Variants in STK35 observed in about 807,000 individuals in gnomAD.
The protein encoded by STK35 is serine/threonine kinase 35.
A neutral mutation model predicts 37.3 loss-of-function variants in STK35; 17 were observed. The ratio of observed to expected loss-of-function variants is 0.46; its 90% CI spans 0.31 to 0.68. STK35 has a LOEUF of 0.68. STK35 is among the 30% of genes least tolerant of loss of function. The pLI, the probability that STK35 is intolerant of heterozygous loss-of-function variation, is 0.05. For synonymous variants in STK35, 385 were observed against 319.1 expected, an observed-to-expected ratio of 1.21 and a Z score of -2.20; for missense variants, 595 against 746.7, an observed-to-expected ratio of 0.80 and a Z score of 2.37.
chr20:2,138,085 A>G (rs530831059), intron 3 of STK35, among the ~76,000 whole-genome samples: 11 of 152,336 alleles, frequency 7.2e-5, no homozygotes, highest in South Asian at 6.2e-4. Context: ...CACGGCAGCT[A>G]GCATGTCATA....
At chr20:2,104,524 T>C (rs1985477157) in intron 2 of STK35, among the ~76,000 whole-genome samples, 1 of 152,200 alleles carries the variant, frequency 6.6e-6, no homozygotes, top group Admixed American at 6.5e-5. Flanking sequence ...GGATCCCAGA[T>C]CTGTCTTGAT....
intron 3 of STK35, among the ~76,000 whole-genome samples, chr20:2,131,744 T>C (rs35354551): frequency 0.21 from 31,596 of 151,850 alleles, 3,424 homozygotes; most frequent in Admixed American, 0.28. Context: ...TAAGACAGGG[T>C]CGCGCTCTGT....
At chr20:2,115,566 G>A (rs952332607) in intron 2 of STK35, among the ~76,000 whole-genome samples, 1 of 152,062 alleles carries the variant, frequency 6.6e-6, no homozygotes, top group Non-Finnish European at 1.5e-5. Context: ...AGCAGTTGTA[G>A]TCATCACATA....
chr20:2,115,696 T>G (rs1985702178), intron 2 of STK35, among the ~76,000 whole-genome samples: 1 of 152,202 alleles, frequency 6.6e-6, no homozygotes, highest in Non-Finnish European at 1.5e-5. Flanking sequence ...AAATCTGTCT[T>G]GTACATCGAC....
At chr20:2,104,522 G>C (rs1257451349) in intron 2 of STK35, among the ~76,000 whole-genome samples, 1 of 152,174 alleles carries the variant, frequency 6.6e-6, no homozygotes. Flanking sequence ...GGGGATCCCA[G>C]ATCTGTCTTG....
rs771732813 is a variant in STK35, at chr20:2,117,062, A to G, written c.1289A>G (p.His430Arg). 1.2e-6 allele frequency: 2 copies of G among 1,614,180 alleles called. No individual in the cohort carries two copies. The highest frequency in any genetic ancestry group is 1.7e-6 in the Non-Finnish European group (2 of 1,180,018). ...ATGGCTCCTGAAGTCTGGGAGGGAC[A>G]CTACACAGCCAAGGCGGACATCTTT... The part of the protein sequence containing the change: ...FYMAPEVWEG[H>R]YTAKADIFAL... The change falls in exon 3 of 4, where the codon CAC becomes CGC. Residue 430 changes from histidine to arginine, a missense_variant. Around this residue, in one of 3 missense-constraint regions of STK35, gnomAD observed 109 missense variants for 280.3 expected, o/e 0.39. Transcript: ENST00000381482. The surrounding 1 kb of genome is among the most constrained non-coding windows in gnomAD (Gnocchi z 4.4).
At chr20:2,122,023 A>G (rs969151708) in intron 3 of STK35, among the ~76,000 whole-genome samples, 7 of 152,116 alleles carry the variant, frequency 4.6e-5, no homozygotes, top group African/African-American at 1.4e-4. Flanking sequence ...ATATCTGTGG[A>G]TGTTTGTACT....
intron 3 of STK35, among the ~76,000 whole-genome samples, chr20:2,132,802 A>G (rs150553993): frequency 6.6e-6 from 1 of 152,330 alleles, no homozygotes; most frequent in African/African-American, 2.4e-5. Context: ...TTTAAACGGC[A>G]GCTCTCCTAC....
chr20:2,134,237 GC>G (rs1986046976), intron 3 of STK35, among the ~76,000 whole-genome samples: 1 of 145,654 alleles, frequency 6.9e-6, no homozygotes. Flanking sequence ...TCCAGCCTGG[GC>G]AACAGAGCGA....
Position 2,143,956 on chromosome 20 carries a change from TTC to T in STK35, c.*212_*213del, listed in dbSNP as rs201482540. On this transcript the variant is annotated 3_prime_UTR_variant, in exon 4 of 4. Coordinates refer to ENST00000381482, the MANE Select transcript of STK35 (RefSeq NM_080836.4). ...TTTGCTTTATTTTTTTCCTTTTCTT[TTC>T]TTTTTTTTTTTTCCTCTTTCCTTTT... 21 of 297,274 alleles carry T rather than the reference TTC, an allele frequency of 7.1e-5. 3 individuals carry two copies. The highest frequency in any genetic ancestry group is 2.1e-4 in the South Asian group (9 of 43,764). The allele number at this position is 297,274 out of a possible 1,614,324, so 18.4% of individuals were successfully genotyped here. A position where few individuals can be genotyped will look rare whatever the true frequency, so the allele number is the denominator to read the frequency against.
intron 3 of STK35, among the ~76,000 whole-genome samples, chr20:2,139,134 G>GTACT (rs1323414200): frequency 4.6e-5 from 7 of 152,324 alleles, no homozygotes; most frequent in Admixed American, 4.6e-4. Context: ...GCAGGCTGAG[G>GTACT]AGTAGGGGAA....
intron 3 of STK35, among the ~76,000 whole-genome samples, chr20:2,122,006 T>C (rs1258142456): frequency 6.6e-6 from 1 of 152,170 alleles, no homozygotes; most frequent in East Asian, 1.9e-4. Flanking sequence ...AGCTTTTGTT[T>C]TGGGTTATAT....
At chr20:2,110,994 G>A (rs1039428458) in intron 2 of STK35, among the ~76,000 whole-genome samples, 2 of 152,218 alleles carry the variant, frequency 1.3e-5, no homozygotes, top group Admixed American at 6.5e-5. Context: ...ATTATTATCT[G>A]AATAGATAGC....
At chr20:2,120,608 G>C (rs1190549789) in intron 3 of STK35, among the ~76,000 whole-genome samples, 1 of 152,220 alleles carries the variant, frequency 6.6e-6, no homozygotes, top group Non-Finnish European at 1.5e-5. Flanking sequence ...CTTGACTTGG[G>C]AAGAACATTG....
chr20:2,129,485 G>C (rs1328375053), intron 3 of STK35, among the ~76,000 whole-genome samples: 1 of 152,126 alleles, frequency 6.6e-6, no homozygotes. Context: ...AATGTGTGCA[G>C]GCTCATGTGT....
rs1190487828 is a variant in STK35, at chr20:2,116,701, T to C, written c.928T>C (p.Tyr310His). Residue 310 changes from tyrosine to histidine, a missense_variant, in exon 3 of 4, where the codon TAT becomes CAT. This residue lies in a region of STK35 where 97 missense variants were observed against 146.4 expected (regional missense o/e 0.66). Coordinates refer to ENST00000381482, the MANE Select transcript of STK35 (RefSeq NM_080836.4). Reference protein sequence around the residue: ...RILGYAEEPCYLWFVMEFCEG... With the variant: ...RILGYAEEPCHLWFVMEFCEG... ...CCTGGGTTATGCTGAGGAGCCCTGC[T>C]ATCTCTGGTTTGTCATGGAGTTCTG... 4 of 1,614,142 alleles carry C rather than the reference T, an allele frequency of 2.5e-6. No individual in the cohort carries two copies. Among genetic ancestry groups the C allele is most frequent in the Non-Finnish European group, 3.4e-6 (4 of 1,179,968 alleles).
Position 2,103,106 on chromosome 20 carries a change from C to T in STK35, c.633C>T (p.Gly211=). 6.2e-7 allele frequency: 1 copy of T among 1,601,018 alleles called. No homozygotes were observed. Among genetic ancestry groups the T allele is most frequent in the South Asian group, 1.1e-5 (1 of 90,684 alleles). ...RYSLLAEIGR[G]SYGVVYEAVA... ...GCCTGTTGGCGGAGATCGGGCGCGG[C>T]AGCTACGGCGTGGTTTATGAGGCAG... is the stretch of plus-strand genomic sequence containing the variant. The change falls in exon 2 of 4, where the codon GGC becomes GGT. Residue 211 remains glycine, a synonymous_variant. Transcript: ENST00000381482.
At chr20:2,103,529 C>T (rs550041669) in intron 2 of STK35, among the ~76,000 whole-genome samples, 164 bp downstream of exon 2, 2 of 152,312 alleles carry the variant, frequency 1.3e-5, no homozygotes, top group South Asian at 2.1e-4. Context: ...TCGGCCCTCT[C>T]TTCTCAGGTC....
intron 3 of STK35, among the ~76,000 whole-genome samples, chr20:2,141,447 A>G (rs1986170821): frequency 6.6e-6 from 1 of 152,094 alleles, no homozygotes; most frequent in Admixed American, 6.5e-5. Flanking sequence ...CACATAGTCT[A>G]ACCTCCCGTT....
Sources: gnomAD v4.1 joint callset for allele counts (sites outside exome capture counted in the v4.1 genomes callset) on GRCh38, gnomAD v4.1.1 for gene constraint, gnomAD v4.1.1 regional missense constraint, Gnocchi (gnomAD v3.1) non-coding constraint, MANE v1.5 for transcripts, NCBI Gene and HGNC (gene_info 2026-07-23, HGNC 2026-07-21) for gene names.